Variants in PLCB1 observed in about 807,000 individuals in gnomAD.
The protein encoded by PLCB1 is phospholipase C beta 1, also known as 1-phosphatidylinositol 4,5-bisphosphate phosphodiesterase beta-1.
A neutral mutation model predicts 161.8 loss-of-function variants in PLCB1; 46 were observed. The ratio of observed to expected loss-of-function variants is 0.28; its 90% CI spans 0.22 to 0.36. The LOEUF (loss-of-function observed/expected upper bound fraction) is 0.36. PLCB1 is among the 10% of genes least tolerant of loss of function. The pLI is 1.00. For missense variants in PLCB1, 1,016 were observed against 1,472.5 expected, an observed-to-expected ratio of 0.69 and a Z score of 5.07; for synonymous variants, 517 against 503.7, an observed-to-expected ratio of 1.03 and a Z score of -0.35.
At chr20:8,240,814 A>AT (rs1299339747) in intron 2 of PLCB1, among the ~76,000 whole-genome samples, 1 of 151,940 alleles carries the variant, frequency 6.6e-6, no homozygotes, top group Non-Finnish European at 1.5e-5. Context: ...TCTACATCAA[A>AT]TTTTTTCCAA....
At chr20:8,746,187 C>G (rs1190471324) in intron 23 of PLCB1, among the ~76,000 whole-genome samples, 1 of 152,188 alleles carries the variant, frequency 6.6e-6, no homozygotes, top group East Asian at 1.9e-4. Context: ...CTGCCTTGGC[C>G]TTCCAAAGTG....
chr20:8,401,996 T>C (rs1277703336), intron 3 of PLCB1, among the ~76,000 whole-genome samples: 2 of 152,210 alleles, frequency 1.3e-5, no homozygotes, highest in Non-Finnish European at 2.9e-5. Flanking sequence ...TTCTCATTGA[T>C]TTGGAATGCT....
intron 3 of PLCB1, among the ~76,000 whole-genome samples, chr20:8,482,092 ATTTTTTTTTTTTTTTTTT>A (rs199634903): frequency 3.8e-5 from 4 of 104,884 alleles, no homozygotes; most frequent in African/African-American, 1.7e-4. Context: ...GCTTGAAGGA[ATTTTTTTTTTTTTTTTTT>A]TTTTTTTTTT....
intron 14 of PLCB1, among the ~76,000 whole-genome samples, chr20:8,721,399 C>A (rs930571876): frequency 2.0e-5 from 3 of 152,182 alleles, no homozygotes; most frequent in Non-Finnish European, 1.5e-5. Context: ...ACCTCGCTGA[C>A]TTTTTACTTG....
intron 3 of PLCB1, among the ~76,000 whole-genome samples, chr20:8,581,915 G>A (rs979746593): frequency 4.6e-5 from 7 of 152,176 alleles, no homozygotes; most frequent in Middle Eastern, 3.4e-3. Flanking sequence ...AGTGTTGTGC[G>A]AGAACCAATT....
chr20:8,828,503 A>G (rs1007936096), intron 31 of PLCB1, among the ~76,000 whole-genome samples: 1 of 152,166 alleles, frequency 6.6e-6, no homozygotes, highest in Non-Finnish European at 1.5e-5. Context: ...TCTCATTACA[A>G]CCATCTCTTC....
At position 8,790,884 on chromosome 20, in the gene PLCB1, GT is replaced by G. The variant is rs1983724817; in HGVS notation, c.3423+627del. Among the ~76,000 whole-genome samples, 5 of 152,244 alleles carry G rather than the reference GT, an allele frequency of 3.3e-5. 1 individual carries two copies. In the South Asian group the frequency reaches 1.0e-3, roughly 32 times the overall value. On this transcript the variant is annotated intron_variant, in intron 31 of 31. Coordinates refer to ENST00000338037, the MANE Select transcript of PLCB1 (RefSeq NM_015192.4). ...TTTGAGGTTACCAAATGGCATCTCAGTTTTAGAACATTCCTTCCATTTTGAT... is the reference window on the plus strand; with the variant it reads ...TTTGAGGTTACCAAATGGCATCTCAGTTTAGAACATTCCTTCCATTTTGAT...
At chr20:8,837,520 T>C (rs1232644923) in intron 31 of PLCB1, among the ~76,000 whole-genome samples, 2 of 152,214 alleles carry the variant, frequency 1.3e-5, no homozygotes, top group East Asian at 3.9e-4. Context: ...CTGTAATAGT[T>C]TGTTTAGTCA....
At chr20:8,720,676 T>G (rs1343037113) in intron 14 of PLCB1, among the ~76,000 whole-genome samples, 1 of 152,122 alleles carries the variant, frequency 6.6e-6, no homozygotes, top group Non-Finnish European at 1.5e-5. Context: ...AAAATCAGGT[T>G]TCTGCTTTTT....
intron 3 of PLCB1, among the ~76,000 whole-genome samples, chr20:8,544,529 A>G (rs1483886029): frequency 6.6e-6 from 1 of 152,184 alleles, no homozygotes; most frequent in African/African-American, 2.4e-5. Flanking sequence ...CTGTTTCCAC[A>G]TTGCTATGTG....
At chr20:8,685,830 T>C (rs1213600875) in intron 10 of PLCB1, among the ~76,000 whole-genome samples, 4 of 152,224 alleles carry the variant, frequency 2.6e-5, no homozygotes, top group Non-Finnish European at 5.9e-5. Context: ...TGACAACTTA[T>C]ACTTTATTGT....
At chr20:8,244,258 A>T (rs1265862446) in intron 2 of PLCB1, among the ~76,000 whole-genome samples, 1 of 151,936 alleles carries the variant, frequency 6.6e-6, no homozygotes, top group African/African-American at 2.4e-5. Context: ...AAATGATCAT[A>T]TGTGTCCACT....
At chr20:8,704,240 A>G (rs1475755609) in intron 11 of PLCB1, among the ~76,000 whole-genome samples, 1 of 152,158 alleles carries the variant, frequency 6.6e-6, no homozygotes, top group African/African-American at 2.4e-5. Flanking sequence ...CTGTAGTCCC[A>G]GCTGCCTGGG....
chr20:8,698,215 A>ACCC lies in PLCB1; in HGVS notation c.1167+432_1167+433insCCC, dbSNP rs1990622855. Among the ~76,000 whole-genome samples, 3 of 152,186 alleles carry ACCC rather than the reference A, an allele frequency of 2.0e-5. No individual in the cohort carries two copies. The South Asian group carries it at 6.2e-4, about 32-fold the overall frequency. On this transcript the variant is annotated intron_variant, in intron 11 of 31. Coordinates refer to ENST00000338037, the MANE Select transcript of PLCB1 (RefSeq NM_015192.4). ...GAAACACTTCCATGTATCCATTCCC[A>ACCC]TCAGAATGTCCCGTTTACCCTCAGA...
chr20:8,245,976 GTGTC>G (rs1980857071), intron 2 of PLCB1, among the ~76,000 whole-genome samples: 2 of 151,882 alleles, frequency 1.3e-5, no homozygotes, highest in Non-Finnish European at 2.9e-5. Context: ...TTCCATTTGA[GTGTC>G]TGTGATTTTT....
At position 8,231,038 on chromosome 20, in the gene PLCB1, ATCT is replaced by A. The variant is rs367999691; in HGVS notation, c.177+80670_177+80672del. Among the ~76,000 whole-genome samples, 295 of 152,028 alleles carry A rather than the reference ATCT, an allele frequency of 1.9e-3. 2 individuals carry two copies. Among genetic ancestry groups the A allele is most frequent in the African/African-American group, 7.0e-3 (292 of 41,440 alleles). ...CCTTCTTTCCATTCACCTCTCCATA[ATCT>A]TCAACTAATCTCTGTGTCAAAATTT... On this transcript the variant is annotated intron_variant, in intron 2 of 31. Coordinates refer to ENST00000338037, the MANE Select transcript of PLCB1 (RefSeq NM_015192.4).
At chr20:8,202,695 G>A (rs1030344187) in intron 2 of PLCB1, among the ~76,000 whole-genome samples, 4 of 152,144 alleles carry the variant, frequency 2.6e-5, no homozygotes, top group African/African-American at 7.2e-5. Flanking sequence ...ATTGTGTTCT[G>A]GGATCCCACA....
intron 3 of PLCB1, among the ~76,000 whole-genome samples, chr20:8,609,331 G>T (rs566227823): frequency 1.3e-5 from 2 of 152,292 alleles, no homozygotes; most frequent in South Asian, 4.1e-4. Context: ...TAATATTTGT[G>T]ACTTAGAGCA....
At chr20:8,503,649 T>A (rs1251626604) in intron 3 of PLCB1, among the ~76,000 whole-genome samples, 1 of 152,178 alleles carries the variant, frequency 6.6e-6, no homozygotes, top group African/African-American at 2.4e-5. Context: ...TTGTACAGTC[T>A]TCTACAAATC....
Sources: gnomAD v4.1 joint callset for allele counts (sites outside exome capture counted in the v4.1 genomes callset) on GRCh38, gnomAD v4.1.1 for gene constraint, MANE v1.5 for transcripts, NCBI Gene and HGNC (gene_info 2026-07-23, HGNC 2026-07-21) for gene names.